Variants in ROBO1 observed in about 807,000 individuals in gnomAD.
ROBO1 encodes roundabout guidance receptor 1, also known as roundabout homolog 1.
In ROBO1, 149 loss-of-function variants were observed where a neutral mutation model predicts 195.9. The ratio of observed to expected loss-of-function variants is 0.76; its 90% CI spans 0.67 to 0.87. ROBO1 has a LOEUF of 0.87. Ranked by LOEUF, ROBO1 falls within the 40% of genes least tolerant of loss-of-function variation. The probability of loss-of-function intolerance (pLI) is 0.00; values close to 1 mark genes in which losing one functional copy is unlikely to be tolerated. For missense variants in ROBO1, 1,933 were observed against 2,068.3 expected, an observed-to-expected ratio of 0.93 and a Z score of 1.27; for synonymous variants, 816 against 733.2, an observed-to-expected ratio of 1.11 and a Z score of -1.82.
At chr3:78,602,624 G>A (rs996204368) in intron 29 of ROBO1, among the ~76,000 whole-genome samples, 5 of 152,004 alleles carry the variant, frequency 3.3e-5, no homozygotes, top group African/African-American at 4.8e-5. Context: ...TATGCTTTGC[G>A]TGCTGATATA....
intron 4 of ROBO1, among the ~76,000 whole-genome samples, chr3:78,829,170 G>A (rs2031915315): frequency 6.6e-6 from 1 of 152,106 alleles, no homozygotes; most frequent in Non-Finnish European, 1.5e-5. Flanking sequence ...TAATAAATTT[G>A]TAATTACATT....
chr3:79,592,689 C>A (rs1413835430), intron 1 of ROBO1, among the ~76,000 whole-genome samples: 1 of 152,014 alleles, frequency 6.6e-6, no homozygotes, highest in African/African-American at 2.4e-5. Flanking sequence ...CCATTGGCAA[C>A]CCCCACCAGA....
At chr3:79,091,825 G>T (rs979488450) in intron 3 of ROBO1, among the ~76,000 whole-genome samples, 6 of 152,078 alleles carry the variant, frequency 3.9e-5, no homozygotes, top group Admixed American at 3.9e-4. Context: ...GTGTTGGAGG[G>T]ACGTTAGGAA....
intron 3 of ROBO1, among the ~76,000 whole-genome samples, chr3:79,003,111 AG>A (rs765612717): frequency 3.0e-4 from 46 of 152,296 alleles, no homozygotes; most frequent in Admixed American, 1.5e-3. Flanking sequence ...AAGCTGATAT[AG>A]CCTCTAATTG....
intron 4 of ROBO1, among the ~76,000 whole-genome samples, chr3:78,778,931 G>A (rs2083585413): frequency 6.6e-6 from 1 of 152,036 alleles, no homozygotes; most frequent in Non-Finnish European, 1.5e-5. Context: ...CCACAGAACA[G>A]AGGCCTCAGA....
rs181408127 is a variant in ROBO1, at chr3:78,754,153, A to C, written c.500-7253T>G. Among the ~76,000 whole-genome samples, 110 of 152,304 alleles carry C rather than the reference A, an allele frequency of 7.2e-4. 1 individual carries two copies. The highest frequency in any genetic ancestry group is 6.1e-3 in the Admixed American group (93 of 15,294). On this transcript the variant is annotated intron_variant, in intron 4 of 30. Coordinates refer to ENST00000464233, the MANE Select transcript of ROBO1 (RefSeq NM_002941.4). ...GGGTTATTATGAAAGCTAATTATTTAATGTTTATACAGGACTTGCCATTTA... is the reference window on the plus strand; with the variant it reads ...GGGTTATTATGAAAGCTAATTATTTCATGTTTATACAGGACTTGCCATTTA...
chr3:79,761,326 T>C (rs1704687029), intron 1 of ROBO1, among the ~76,000 whole-genome samples: 2 of 151,774 alleles, frequency 1.3e-5, no homozygotes, highest in East Asian at 1.9e-4. Context: ...AAGACAATAC[T>C]ATATATGAAT....
At chr3:79,315,896 C>A (rs1160909683) in intron 2 of ROBO1, among the ~76,000 whole-genome samples, 2 of 152,034 alleles carry the variant, frequency 1.3e-5, no homozygotes, top group African/African-American at 4.8e-5. Flanking sequence ...AACTGAAATA[C>A]TCAAAGCTTT....
intron 2 of ROBO1, among the ~76,000 whole-genome samples, chr3:79,127,944 T>C (rs1327232982): frequency 1.3e-5 from 2 of 152,322 alleles, no homozygotes; most frequent in South Asian, 2.1e-4. Flanking sequence ...ATTAATGATA[T>C]GCTAGACCTA....
rs899164164 is a variant in ROBO1, at chr3:79,727,362, C to CA, written c.-51+40389dup. Among the ~76,000 whole-genome samples, 8 of 150,050 alleles carry CA rather than the reference C, an allele frequency of 5.3e-5. No homozygotes were observed. In the South Asian group the frequency reaches 8.4e-4, roughly 16 times the overall value. ...AATATGATTAATTTTGTAGAATTTTCAAAAAAAAGGTGACAATAGAGGTGA... is the reference window on the plus strand; with the variant it reads ...AATATGATTAATTTTGTAGAATTTTCAAAAAAAAAGGTGACAATAGAGGTGA... On this transcript the variant is annotated intron_variant, in intron 1 of 30. Coordinates refer to ENST00000464233, the MANE Select transcript of ROBO1 (RefSeq NM_002941.4).
At chr3:79,453,461 A>G (rs1171475288) in intron 2 of ROBO1, among the ~76,000 whole-genome samples, 5 of 152,098 alleles carry the variant, frequency 3.3e-5, no homozygotes, top group Non-Finnish European at 5.9e-5. Flanking sequence ...TAACTCTGAC[A>G]AATTAAGACA....
chr3:78,829,730 A>C (rs2031974398), intron 4 of ROBO1, among the ~76,000 whole-genome samples: 1 of 152,128 alleles, frequency 6.6e-6, no homozygotes, highest in East Asian at 1.9e-4. Context: ...GAGATAAGAA[A>C]AGCGTTGTAG....
intron 18 of ROBO1, among the ~76,000 whole-genome samples, chr3:78,653,466 C>G (rs935915433): frequency 9.9e-5 from 15 of 152,182 alleles, no homozygotes; most frequent in African/African-American, 3.4e-4. Flanking sequence ...CAAAGGAAAC[C>G]TGCCTGGGTA....
chr3:79,721,362 C>A (rs577935521), intron 1 of ROBO1, among the ~76,000 whole-genome samples: 1 of 151,798 alleles, frequency 6.6e-6, no homozygotes, highest in Admixed American at 6.6e-5. Flanking sequence ...TTGTTTATAT[C>A]ATAAAAAAAC....
chr3:79,257,123 T>A (rs2082848709), intron 2 of ROBO1, among the ~76,000 whole-genome samples: 1 of 152,184 alleles, frequency 6.6e-6, no homozygotes. Flanking sequence ...ATTGTAATCC[T>A]TGGTATAATG....
chr3:79,540,687 T>G (rs1942032648), intron 2 of ROBO1, among the ~76,000 whole-genome samples: 1 of 152,160 alleles, frequency 6.6e-6, no homozygotes, highest in Non-Finnish European at 1.5e-5. Flanking sequence ...CACTTTTATC[T>G]GCTTTGAGAA....
chr3:79,448,615 A>G (rs1031281969), intron 2 of ROBO1, among the ~76,000 whole-genome samples: 3 of 152,170 alleles, frequency 2.0e-5, no homozygotes, highest in African/African-American at 7.2e-5. Flanking sequence ...TGGAGAGGGT[A>G]GTTTTCCTCA....
chr3:79,458,425 G>A (rs1015844374), intron 2 of ROBO1, among the ~76,000 whole-genome samples: 3 of 152,136 alleles, frequency 2.0e-5, no homozygotes, highest in African/African-American at 7.2e-5. Flanking sequence ...CCACAACAGT[G>A]AGTATGAAGG....
At chr3:79,695,772 C>T (rs1374609283) in intron 1 of ROBO1, among the ~76,000 whole-genome samples, 1 of 151,364 alleles carries the variant, frequency 6.6e-6, no homozygotes, top group East Asian at 2.0e-4. Flanking sequence ...TGTTGAAATG[C>T]TTTACTGCTA....
Sources: gnomAD v4.1 joint callset for allele counts (sites outside exome capture counted in the v4.1 genomes callset) on GRCh38, gnomAD v4.1.1 for gene constraint, MANE v1.5 for transcripts, NCBI Gene and HGNC (gene_info 2026-07-23, HGNC 2026-07-21) for gene names.